GRID2: variants seen among roughly 807,000 people sequenced by gnomAD.
GRID2 encodes the protein glutamate receptor ionotropic, delta-2.
GRID2 carries 33 observed loss-of-function variants against 114.8 expected under a neutral mutation model. The observed-to-expected ratio is 0.29, with a 90% CI of 0.22 to 0.38. The LOEUF (loss-of-function observed/expected upper bound fraction) is 0.38. GRID2 is among the 10% of genes least tolerant of loss of function. The probability of loss-of-function intolerance (pLI) is 1.00; values close to 1 mark genes in which losing one functional copy is unlikely to be tolerated. For synonymous variants in GRID2, 505 were observed against 449.9 expected (o/e 1.12, Z -1.55); for missense variants, 1,184 against 1,257.7 (o/e 0.94, Z 0.89).
At chr4:92,310,737 G>A (rs922860411) in intron 1 of GRID2, among the ~76,000 whole-genome samples, 8 of 151,914 alleles carry the variant, frequency 5.3e-5, no homozygotes, top group African/African-American at 1.7e-4. Context: ...ATAAGATTTA[G>A]ACTAATGTTC....
chr4:92,885,129 G>A, intron 2 of GRID2: 1 of 302,564 alleles, frequency 3.3e-6, no homozygotes, highest in East Asian at 9.5e-5. Context: ...TAAACTTGAT[G>A]GTTTTGCCTC....
rs749214409 is a variant in GRID2, at chr4:93,769,294, G to A, written c.2445G>A (p.Ser815=). Residue 815 remains serine (S), a synonymous_variant, in exon 15 of 16, where the codon TCG becomes TCA. Coordinates refer to ENST00000282020, the MANE Select transcript of GRID2 (RefSeq NM_001510.4). ...AGAATGGCCAGTGTGACCTGTACTC[G>A]TCAGTGGACACAAAGCAGAAAGGAG... The part of the protein sequence containing the change: ...WPKNGQCDLY[S]SVDTKQKGGA... 80 of 1,613,928 alleles carry A rather than the reference G, an allele frequency of 5.0e-5. 1 individual carries two copies. Among genetic ancestry groups the A allele is most frequent in the Middle Eastern group, 4.9e-4 (3 of 6,082 alleles).
At chr4:93,699,719 A>G (rs1024004987) in intron 14 of GRID2, among the ~76,000 whole-genome samples, 2 of 152,112 alleles carry the variant, frequency 1.3e-5, no homozygotes, top group African/African-American at 4.8e-5. Flanking sequence ...TGAAATAGGA[A>G]AAGTTAAAGA....
chr4:93,711,633 CAG>C (rs780216167), intron 14 of GRID2, among the ~76,000 whole-genome samples: 1 of 152,096 alleles, frequency 6.6e-6, no homozygotes, highest in Non-Finnish European at 1.5e-5. Flanking sequence ...CTGTGTGCGC[CAG>C]CTGAATTCTG....
At chr4:92,520,480 G>T (rs1460233815) in intron 1 of GRID2, among the ~76,000 whole-genome samples, 1 of 151,776 alleles carries the variant, frequency 6.6e-6, no homozygotes, top group Admixed American at 6.6e-5. Context: ...TGCCAATTTT[G>T]TATTCTCTTT....
At chr4:93,203,821 G>A (rs544860274) in intron 4 of GRID2, 249 of 152,290 alleles carry the variant, frequency 1.6e-3, no homozygotes, top group African/African-American at 5.2e-3. Flanking sequence ...GTCTCTAGGC[G>A]TGACGTCACA....
rs772793028 is a variant in GRID2, at chr4:92,304,732, A to G, written c.76A>G (p.Ile26Val). ...RTWDSANADSIIHIGAIFDES... is the reference protein window; with the variant it reads ...RTWDSANADSVIHIGAIFDES... Reference sequence around the variant, plus strand: ...CTGGGACTCGGCGAATGCGGATTCGATCATTCACATCGGTAAGAAAGTGTT... The same window carrying G: ...CTGGGACTCGGCGAATGCGGATTCGGTCATTCACATCGGTAAGAAAGTGTT... Residue 26 changes from isoleucine to valine, a missense_variant, in exon 1 of 16, where the codon ATC becomes GTC. Ile to Val is a conservative substitution (Grantham distance 29, BLOSUM62 3). Around this residue, in one of 3 missense-constraint regions of GRID2, gnomAD observed 455 missense variants for 429.5 expected, o/e 1.06. Transcript: ENST00000282020. 1 of 1,609,582 alleles carries G rather than the reference A, an allele frequency of 6.2e-7. No individual in the cohort carries two copies. The highest frequency in any genetic ancestry group is 8.5e-7 in the Non-Finnish European group (1 of 1,175,930).
Position 93,269,156 on chromosome 4 carries a change from G to A in GRID2, c.1245+30666G>A, listed in dbSNP as rs562186890. The stretch of plus-strand genomic sequence containing the variant: ...TAGGAAGACTAGAATATCCATGTCT[G>A]GAATAAAATTATAGTCAGTTTAATG... On this transcript the variant is annotated intron_variant, in intron 8 of 15. Transcript: ENST00000282020. 3.4e-4 allele frequency among the ~76,000 whole-genome samples: 52 copies of A among 152,116 alleles called. No homozygotes were observed. In the East Asian group the frequency reaches 7.9e-3, roughly 23 times the overall value.
Position 93,772,330 on chromosome 4 carries a change from C to T in GRID2, c.2856C>T (p.Phe952=). ...RTLSAKAASG[F]TFGNVPEHRT... ...TGTCAGCTAAAGCTGCTTCTGGTTT[C>T]ACTTTTGGCAACGTGCCTGAGCACC... Residue 952 remains phenylalanine (F), a synonymous_variant, in exon 16 of 16, where the codon TTC becomes TTT. Coordinates refer to ENST00000282020, the MANE Select transcript of GRID2 (RefSeq NM_001510.4). 3 of 1,614,134 alleles carry T rather than the reference C, an allele frequency of 1.9e-6. No individual in the cohort carries two copies. The highest frequency in any genetic ancestry group is 1.1e-5 in the South Asian group (1 of 91,082).
chr4:92,970,650 T>C (rs1026433175), intron 2 of GRID2, among the ~76,000 whole-genome samples: 4 of 151,956 alleles, frequency 2.6e-5, no homozygotes, highest in Admixed American at 2.6e-4. Flanking sequence ...CGTGTTAGTC[T>C]TTAGAAATAG....
At chr4:92,598,305 C>T (rs1166786603) in intron 2 of GRID2, among the ~76,000 whole-genome samples, 7 of 152,138 alleles carry the variant, frequency 4.6e-5, no homozygotes, top group Non-Finnish European at 8.8e-5. Context: ...CCATTGGCTG[C>T]CCTGTCGTCT....
chr4:93,450,029 A>G (rs964609629), intron 10 of GRID2, among the ~76,000 whole-genome samples: 6 of 151,924 alleles, frequency 3.9e-5, no homozygotes, highest in African/African-American at 1.4e-4. Context: ...ATTTTATTTG[A>G]CCTTAAATTT....
At chr4:92,826,373 C>T (rs1024245758) in intron 2 of GRID2, among the ~76,000 whole-genome samples, 5 of 152,078 alleles carry the variant, frequency 3.3e-5, no homozygotes, top group Non-Finnish European at 7.4e-5. Flanking sequence ...CATCTAATGA[C>T]GTTCCAACCA....
chr4:93,781,045 A>G (rs1213944416), intron 1 of GRID2, among the ~76,000 whole-genome samples: 1 of 152,224 alleles, frequency 6.6e-6, no homozygotes, highest in East Asian at 1.9e-4. Flanking sequence ...GTCAAAGATG[A>G]TCGATTTCTC....
At chr4:93,254,158 C>T (rs1297601367) in intron 8 of GRID2, among the ~76,000 whole-genome samples, 1 of 151,624 alleles carries the variant, frequency 6.6e-6, no homozygotes, top group Non-Finnish European at 1.5e-5. Context: ...AATTCAGGTG[C>T]AAAAAATGGC....
At chr4:93,539,919 GC>G (rs779004709) in intron 13 of GRID2, among the ~76,000 whole-genome samples, 3 of 151,830 alleles carry the variant, frequency 2.0e-5, no homozygotes, top group East Asian at 3.9e-4. Context: ...CACCTGAGAG[GC>G]CCATTTAATC....
At chr4:92,856,017 A>G (rs1744156304) in intron 2 of GRID2, among the ~76,000 whole-genome samples, 1 of 152,072 alleles carries the variant, frequency 6.6e-6, no homozygotes, top group Non-Finnish European at 1.5e-5. Context: ...CAAAAAAGAT[A>G]CTTTAAAACC....
At chr4:92,740,872 G>T (rs1441634141) in intron 2 of GRID2, among the ~76,000 whole-genome samples, 1 of 152,004 alleles carries the variant, frequency 6.6e-6, no homozygotes, top group Admixed American at 6.6e-5. Flanking sequence ...TCAGCTTTCT[G>T]ACTACCTGGG....
intron 1 of GRID2, among the ~76,000 whole-genome samples, chr4:92,349,601 C>T (rs181693797): frequency 5.6e-4 from 84 of 151,118 alleles, no homozygotes; most frequent in African/African-American, 1.9e-3. Context: ...TAATAAGCAA[C>T]TCAAATAAAT....
Sources: gnomAD v4.1 joint callset for allele counts (sites outside exome capture counted in the v4.1 genomes callset) on GRCh38, gnomAD v4.1.1 for gene constraint, gnomAD v4.1.1 regional missense constraint, MANE v1.5 for transcripts, NCBI Gene and HGNC (gene_info 2026-07-23, HGNC 2026-07-21) for gene names.